PTH2R: variants seen among roughly 807,000 people sequenced by gnomAD.
PTH2R encodes PTH2 receptor.
A neutral mutation model predicts 60.3 loss-of-function variants in PTH2R; 59 were observed. The ratio of observed to expected loss-of-function variants is 0.98; its 90% CI spans 0.79 to 1.22. The LOEUF (loss-of-function observed/expected upper bound fraction) is 1.22. PTH2R is among the 50% of genes most tolerant of loss of function. The pLI is 0.00. For synonymous variants in PTH2R, 256 were observed against 243.8 expected, an observed-to-expected ratio of 1.05 and a Z score of -0.47; for missense variants, 749 against 682.6, an observed-to-expected ratio of 1.10 and a Z score of -1.08.
rs534881382 is a variant in PTH2R, at chr2:208,444,745, G to A, written c.711G>A (p.Lys237=). The stretch of plus-strand genomic sequence containing the variant: ...TTTATTTGTAATAGATCGGGTGCAA[G>A]ATTGCTGTTGTGATGTTTATTTACT... ...SVDKSQYIGC[K]IAVVMFIYFL... is the part of the protein sequence containing the mutation. Residue 237 remains lysine (K), a synonymous_variant, in exon 7 of 13, where the codon AAG becomes AAA. Coordinates refer to ENST00000272847, the MANE Select transcript of PTH2R (RefSeq NM_005048.4). The A allele has an allele frequency of 2.5e-6, 4 of 1,613,584 alleles. No individual in the cohort carries two copies. Among genetic ancestry groups the A allele is most frequent in the African/African-American group, 2.7e-5 (2 of 75,022 alleles).
chr2:208,460,055 C>T (rs1702603032), intron 9 of PTH2R, 94 bp downstream of exon 9: 2 of 1,058,776 alleles, frequency 1.9e-6, no homozygotes, highest in Non-Finnish European at 2.9e-6. Flanking sequence ...CATTCTACAA[C>T]AGATCTGAGA....
chr2:208,453,779 T>C (rs1415032935), intron 8 of PTH2R, among the ~76,000 whole-genome samples: 1 of 152,220 alleles, frequency 6.6e-6, no homozygotes, highest in Non-Finnish European at 1.5e-5. Context: ...ATAATATTCT[T>C]GGCCATGACT....
Position 208,427,917 on chromosome 2 carries a change from CT to C in PTH2R, c.76-276del, listed in dbSNP as rs200331498. Among the ~76,000 whole-genome samples the C allele has an allele frequency of 3.1e-3, 462 of 150,546 alleles. 13 individuals carry two copies. Among genetic ancestry groups the C allele is most frequent in the Admixed American group, 0.027 (411 of 15,118 alleles). The stretch of plus-strand genomic sequence containing the variant: ...AATATTTTTTCTTAGTATAATATCT[CT>C]TTTTTTTGTAGTCTATTATCTCTAA... On this transcript the variant is annotated intron_variant, in intron 1 of 12. Transcript: ENST00000272847.
At chr2:208,396,774 A>G (rs1701217381) in intron 1 of PTH2R, among the ~76,000 whole-genome samples, 1 of 152,202 alleles carries the variant, frequency 6.6e-6, no homozygotes, top group African/African-American at 2.4e-5. Context: ...TAGAACTAGA[A>G]ATACCATTTG....
At chr2:208,492,605 T>C (rs1017391743) in intron 12 of PTH2R, among the ~76,000 whole-genome samples, 1 of 152,086 alleles carries the variant, frequency 6.6e-6, no homozygotes. Flanking sequence ...TTTTATATTT[T>C]GAAGGGATGG....
rs548246960 is a variant in PTH2R at position 208,361,161 on chromosome 2, C to T, written c.-259+924C>T. On this transcript the variant is annotated intron_variant, in intron 1 of 12. Transcript: ENST00000617735. ...TGGCCCGTCAGCGTCCACACAGAGG[C>T]CTTGTGGCCTGTGCCATAGGTCACG... is the stretch of plus-strand genomic sequence containing the variant. 9.6e-5 allele frequency: 15 copies of T among 156,364 alleles called. No individual in the cohort carries two copies. The South Asian group carries it at 2.7e-3, about 28-fold the overall frequency. The allele number at this position is 156,364 out of a possible 1,614,324, so 9.7% of individuals were successfully genotyped here.
At chr2:208,428,929 GC>G (rs1184405690) in intron 2 of PTH2R, among the ~76,000 whole-genome samples, 1 of 151,712 alleles carries the variant, frequency 6.6e-6, no homozygotes, top group Non-Finnish European at 1.5e-5. Flanking sequence ...TACTAAAAAT[GC>G]AAAAATTAGC....
intron 1 of PTH2R, among the ~76,000 whole-genome samples, chr2:208,370,167 G>T (rs562389356): frequency 3.9e-5 from 6 of 151,954 alleles, no homozygotes; most frequent in Non-Finnish European, 7.4e-5. Flanking sequence ...AGGTTGGCCG[G>T]GCACGGTGGC....
intron 9 of PTH2R, among the ~76,000 whole-genome samples, chr2:208,477,571 CA>C (rs201342507): frequency 1.7e-4 from 25 of 148,410 alleles, no homozygotes; most frequent in South Asian, 4.5e-4. Flanking sequence ...TAGCATGTAA[CA>C]AAAAAAAACC....
At chr2:208,442,808 C>T (rs1330256463) in intron 5 of PTH2R, among the ~76,000 whole-genome samples, 2 of 152,024 alleles carry the variant, frequency 1.3e-5, no homozygotes, top group Non-Finnish European at 2.9e-5. Flanking sequence ...TATTGGATAC[C>T]AGCACATAAA....
At chr2:208,419,455 T>G (rs1002279539) in intron 1 of PTH2R, among the ~76,000 whole-genome samples, 2 of 152,238 alleles carry the variant, frequency 1.3e-5, no homozygotes, top group African/African-American at 4.8e-5. Context: ...TGCAAAAATT[T>G]TCTCCCATTC....
intron 1 of PTH2R, among the ~76,000 whole-genome samples, chr2:208,382,994 G>T (rs1341756104): frequency 6.6e-6 from 1 of 152,204 alleles, no homozygotes; most frequent in African/African-American, 2.4e-5. Context: ...TGCATTATTA[G>T]TCTATTCCAA....
chr2:208,405,900 G>C (rs1174445512), upstream of PTH2R, among the ~76,000 whole-genome samples: 1 of 152,146 alleles, frequency 6.6e-6, no homozygotes, highest in Non-Finnish European at 1.5e-5. Flanking sequence ...TGAGGAAGCG[G>C]GCTTTTATCA....
chr2:208,393,087 C>T (rs766456321), intron 1 of PTH2R, among the ~76,000 whole-genome samples: 7 of 152,196 alleles, frequency 4.6e-5, no homozygotes, highest in East Asian at 1.9e-4. Context: ...AAGCTTGCAA[C>T]GCTGCTACTA....
chr2:208,470,576 G>T (rs752067084), intron 9 of PTH2R, among the ~76,000 whole-genome samples: 11 of 151,798 alleles, frequency 7.2e-5, no homozygotes, highest in Non-Finnish European at 1.6e-4. Context: ...CGCCATGTGA[G>T]AAGTGCCCTT....
intron 10 of PTH2R, among the ~76,000 whole-genome samples, chr2:208,483,230 T>G (rs1240020877): frequency 2.0e-5 from 3 of 152,178 alleles, no homozygotes; most frequent in African/African-American, 7.2e-5. Context: ...AGTGGTAGTA[T>G]TATACATTGT....
upstream of PTH2R, among the ~76,000 whole-genome samples, chr2:208,402,881 G>A (rs1301214395): frequency 1.3e-5 from 2 of 152,172 alleles, no homozygotes; most frequent in Non-Finnish European, 2.9e-5. Flanking sequence ...ATTCTATAGG[G>A]GCACGGTAGA....
chr2:208,425,101 C>A (rs1701831318), intron 1 of PTH2R, among the ~76,000 whole-genome samples: 1 of 151,894 alleles, frequency 6.6e-6, no homozygotes, highest in African/African-American at 2.4e-5. Flanking sequence ...CATGAAGCTG[C>A]AAATCAAAAT....
chr2:208,447,723 A>C (rs899295276), intron 7 of PTH2R, among the ~76,000 whole-genome samples: 1 of 151,918 alleles, frequency 6.6e-6, no homozygotes, highest in Non-Finnish European at 1.5e-5. Context: ...CAAATATTTA[A>C]AATAACTGTT....
Sources: gnomAD v4.1 joint callset for allele counts (sites outside exome capture counted in the v4.1 genomes callset) on GRCh38, gnomAD v4.1.1 for gene constraint, MANE v1.5 for transcripts, NCBI Gene and HGNC (gene_info 2026-07-23, HGNC 2026-07-21) for gene names.